ANKRD36C: variants seen among roughly 807,000 people sequenced by gnomAD.
ANKRD36C encodes the protein ankyrin repeat domain-containing protein 36C.
A neutral mutation model predicts 276.4 loss-of-function variants in ANKRD36C; 61 were observed. The observed-to-expected ratio is 0.22, with a 90% CI of 0.18 to 0.27. ANKRD36C has a LOEUF of 0.27. Ranked by LOEUF, ANKRD36C falls within the 10% of genes least tolerant of loss-of-function variation. The pLI, the probability that ANKRD36C is intolerant of heterozygous loss-of-function variation, is 1.00. For synonymous variants in ANKRD36C, 483 were observed against 680.1 expected (o/e 0.71, Z 4.51); for missense variants, 1,447 against 2,032.3 (o/e 0.71, Z 5.54).
At chr2:95,943,415 G>A (rs1013575221) in intron 19 of ANKRD36C, among the ~76,000 whole-genome samples, 4 of 151,392 alleles carry the variant, frequency 2.6e-5, no homozygotes, top group Admixed American at 1.3e-4. Context: ...AACCCGGGAG[G>A]TGGAGCTTGC....
intron 52 of ANKRD36C, among the ~76,000 whole-genome samples, chr2:95,884,570 C>A (rs1262081763): frequency 2.0e-5 from 3 of 151,948 alleles, no homozygotes; most frequent in African/African-American, 7.2e-5. Context: ...AATATACTTA[C>A]AATTTCAAGC....
chr2:95,916,991 G>C (rs1176032437), intron 36 of ANKRD36C, among the ~76,000 whole-genome samples: 1 of 151,552 alleles, frequency 6.6e-6, no homozygotes, highest in African/African-American at 2.4e-5. Flanking sequence ...GAGTTAATTA[G>C]AATCCAGCAT....
intron 50 of ANKRD36C, among the ~76,000 whole-genome samples, chr2:95,887,430 ACTT>A (rs1348901619): frequency 3.3e-5 from 5 of 150,962 alleles, no homozygotes; most frequent in African/African-American, 1.2e-4. Context: ...TACATAAATA[ACTT>A]CTTCTTTTCC....
chr2:95,895,729 G>A, intron 44 of ANKRD36C, 139 bp from the exon 61 acceptor site: 12 of 1,429,334 alleles, frequency 8.4e-6, no homozygotes, highest in Non-Finnish European at 1.1e-5. Context: ...TTGTCTCAGG[G>A]GACCAGAAGG....
intron 26 of ANKRD36C, 119 bp from the exon 27 acceptor site, chr2:95,927,528 G>A: frequency 6.7e-7 from 1 of 1,481,640 alleles, no homozygotes; most frequent in South Asian, 1.3e-5. Flanking sequence ...AGGCTTTGAT[G>A]TTTTCTACTT....
Position 95,925,518 on chromosome 2 carries a change from C to T in ANKRD36C, c.1968+1G>A. On this transcript the variant is annotated splice_donor_variant, in intron 29 of 66. Transcript: ENST00000456556. LOFTEE classifies it high-confidence loss of function. ...CAAAATATAAATGAAAGAGTAACTACCTTCCAGGCTGATTGTTTCTGAGGA... is the reference window on the plus strand; with the variant it reads ...CAAAATATAAATGAAAGAGTAACTATCTTCCAGGCTGATTGTTTCTGAGGA... 1 of 1,550,060 alleles carries T rather than the reference C, an allele frequency of 6.5e-7. No individual in the cohort carries two copies. Among genetic ancestry groups the T allele is most frequent in the Non-Finnish European group, 8.7e-7 (1 of 1,146,710 alleles).
chr2:95,987,552 TTTC>T (rs1679054045), intron 1 of ANKRD36C, among the ~76,000 whole-genome samples: 1 of 151,436 alleles, frequency 6.6e-6, no homozygotes, highest in Non-Finnish European at 1.5e-5. Flanking sequence ...TTTAGAACAC[TTTC>T]TAACACAAAT....
Position 95,897,110 on chromosome 2 carries a change from G to A in ANKRD36C, c.2755+2035C>T, listed in dbSNP as rs878886116. On this transcript the variant is annotated intron_variant, in intron 44 of 66. Coordinates refer to ENST00000456556, the Ensembl canonical transcript of ANKRD36C. ...ACGGCGAAGATCACGTTCCAGACCA[G>A]CAGCATCATCATCACCCACAAACTT... 1.6e-4 allele frequency among the ~76,000 whole-genome samples: 24 copies of A among 150,360 alleles called. 2 individuals are homozygous for A. The highest frequency in any genetic ancestry group is 2.8e-4 in the Non-Finnish European group (19 of 67,212).
chr2:95,920,814 C>T (rs1402310117), intron 34 of ANKRD36C, among the ~76,000 whole-genome samples: 4 of 150,006 alleles, frequency 2.7e-5, no homozygotes, highest in Admixed American at 6.6e-5. Flanking sequence ...AAAGAAGTTT[C>T]ATGAAATAGC....
chr2:95,908,441 C>T lies in ANKRD36C; in HGVS notation c.2653+3803G>A, dbSNP rs911948591. 145 of 1,353,932 alleles carry T rather than the reference C, an allele frequency of 1.1e-4. No homozygotes were observed. In the African/African-American group the frequency reaches 1.1e-3, roughly 10 times the overall value. The allele number at this position is 1,353,932 out of a possible 1,614,324, so 83.9% of individuals were successfully genotyped here. ...AACGAGCCCCCCGCTGATTTATTCA[C>T]GGAAGAGAATTTCTTATCTATCTGG... On this transcript the variant is annotated intron_variant, in intron 42 of 66. Transcript: ENST00000456556.
At chr2:95,929,043 A>T in intron 26 of ANKRD36C, 29 bp downstream of exon 26, 1 of 1,600,780 alleles carries the variant, frequency 6.2e-7, no homozygotes, top group Non-Finnish European at 8.5e-7. Context: ...TTGATTGAAC[A>T]TGACATTAGA....
chr2:95,863,573 A>G, intron 60 of ANKRD36C, among the ~76,000 whole-genome samples: 1 of 152,104 alleles, frequency 6.6e-6, no homozygotes, highest in East Asian at 1.9e-4. Flanking sequence ...AATTCAACCA[A>G]TTTGTGATGC....
Position 95,894,945 on chromosome 2 carries a change from G to A in ANKRD36C, c.2756-3085C>T, listed in dbSNP as rs370513237. Among the ~76,000 whole-genome samples the A allele has an allele frequency of 6.8e-4, 102 of 149,640 alleles. No homozygotes were observed. The East Asian group carries it at 9.4e-3, about 14-fold the overall frequency. ...TTCCCACCTTCCTGCCTCACAATCC[G>A]TCTTCATTCGGAAAATAATTGCTAC... On this transcript the variant is annotated intron_variant, in intron 44 of 66. Coordinates refer to ENST00000456556, the Ensembl canonical transcript of ANKRD36C.
At position 95,944,711 on chromosome 2, in the gene ANKRD36C, G is replaced by T. The variant is rs1305679596; in HGVS notation, c.1424-17C>A. On this transcript the variant is annotated splice_polypyrimidine_tract_variant and intron_variant, in intron 18 of 66. Transcript: ENST00000456556. ...CAGCATCTACTACAGTAAAAACAAA[G>T]TCAAGAGTAGATGAAATGCATGTAA... 6.5e-7 allele frequency: 1 copy of T among 1,536,060 alleles called. No individual in the cohort carries two copies. The highest frequency in any genetic ancestry group is 1.4e-5 in the African/African-American group (1 of 72,968).
At chr2:95,949,897 C>G (rs1678153235) in intron 16 of ANKRD36C, among the ~76,000 whole-genome samples, 1 of 152,308 alleles carries the variant, frequency 6.6e-6, no homozygotes, top group African/African-American at 2.4e-5. Flanking sequence ...TAAATGAAAA[C>G]TATAATAGAA....
chr2:95,860,484 C>T (rs1675547435), intron 60 of ANKRD36C, among the ~76,000 whole-genome samples: 1 of 152,160 alleles, frequency 6.6e-6, no homozygotes, highest in Admixed American at 6.5e-5. Context: ...TAGTTTGCAG[C>T]ATGTGCTGTG....
intron 50 of ANKRD36C, 104 bp downstream of exon 70, chr2:95,887,821 T>C (rs1297880634): frequency 7.2e-7 from 1 of 1,380,734 alleles, no homozygotes; most frequent in African/African-American, 1.5e-5. Context: ...GCCTGCTGAA[T>C]CAGAATGTGC....
chr2:95,892,178 C>T (rs1457852545), intron 44 of ANKRD36C, among the ~76,000 whole-genome samples: 5 of 151,630 alleles, frequency 3.3e-5, no homozygotes, highest in Non-Finnish European at 4.4e-5. Context: ...AGAGGAGCAA[C>T]TCATACACGT....
In ANKRD36C at chr2:95,903,013, T is replaced by C. The variant is rs1357001806; in HGVS notation, c.2654-3677A>G. ...TTAATAAAGTATGCTTCATAGACTA[T>C]ACATTTACTAGTTCACAATATAAAT... is the stretch of plus-strand genomic sequence containing the variant. On this transcript the variant is annotated intron_variant, in intron 42 of 66. Coordinates refer to ENST00000456556, the Ensembl canonical transcript of ANKRD36C. The C allele has an allele frequency of 3.6e-5, 57 of 1,570,794 alleles. 2 individuals are homozygous for C. The East Asian group carries it at 1.1e-3, about 30-fold the overall frequency.
Sources: allele counts gnomAD v4.1 joint callset (sites outside exome capture counted in the v4.1 genomes callset), GRCh38; gene constraint gnomAD v4.1.1; transcripts MANE v1.5; gene names NCBI Gene and HGNC (gene_info 2026-07-23, HGNC 2026-07-21).